COL22A1: variants seen among roughly 807,000 people sequenced by gnomAD.
The protein encoded by COL22A1 is collagen alpha-1(XXII) chain.
A neutral mutation model predicts 248.9 loss-of-function variants in COL22A1; 221 were observed. That is an observed-to-expected ratio of 0.89 (90% confidence interval 0.80 to 0.99). The LOEUF (loss-of-function observed/expected upper bound fraction) is 0.99, where lower values mean the gene tolerates loss of function less well. COL22A1 is among the 50% of genes least tolerant of loss of function. COL22A1 has a pLI of 0.00. For missense variants in COL22A1, 2,240 were observed against 2,179.0 expected (o/e 1.03, Z -0.56); for synonymous variants, 891 against 793.4 (o/e 1.12, Z -2.07).
Position 138,751,473 on chromosome 8 carries a change from A to G in COL22A1, c.2070T>C (p.Gly690=). 3.1e-6 allele frequency: 5 copies of G among 1,612,776 alleles called. No individual in the cohort carries two copies. Among genetic ancestry groups the G allele is most frequent in the Non-Finnish European group, 4.2e-6 (5 of 1,179,292 alleles). ...GTTTACTTACTCGGAGACCTTGCAAACCAGGAGGTCCATCCCTGCCTTCTG... is the reference window on the plus strand; with the variant it reads ...GTTTACTTACTCGGAGACCTTGCAAGCCAGGAGGTCCATCCCTGCCTTCTG... The part of the protein sequence containing the change: ...IGPEGRDGPP[G]LQGLRGKKGD... The change falls in exon 22 of 65, where the codon GGT becomes GGC. Residue 690 remains glycine (G), a synonymous_variant. Coordinates refer to ENST00000303045, the MANE Select transcript of COL22A1 (RefSeq NM_152888.3).
At chr8:138,864,407 G>A (rs1235896376) in intron 3 of COL22A1, among the ~76,000 whole-genome samples, 1 of 151,752 alleles carries the variant, frequency 6.6e-6, no homozygotes, top group Non-Finnish European at 1.5e-5. Context: ...GTTACGAAGA[G>A]AAGGAGGCCA....
chr8:138,721,122 G>A (rs1829838353), intron 26 of COL22A1, among the ~76,000 whole-genome samples: 1 of 152,172 alleles, frequency 6.6e-6, no homozygotes, highest in South Asian at 2.1e-4. Flanking sequence ...ATGATCCTTT[G>A]TCTCAAAAGA....
chr8:138,897,110 A>G (rs1825475771), intron 1 of COL22A1, among the ~76,000 whole-genome samples: 1 of 152,190 alleles, frequency 6.6e-6, no homozygotes, highest in South Asian at 2.1e-4. Context: ...GAAATGGAAG[A>G]CTCATGAGGC....
intron 5 of COL22A1, among the ~76,000 whole-genome samples, chr8:138,829,287 A>G (rs893679096): frequency 6.6e-6 from 1 of 152,120 alleles, no homozygotes; most frequent in Non-Finnish European, 1.5e-5. Context: ...CTGCCCATGC[A>G]GGAGGAAGAT....
intron 1 of COL22A1, among the ~76,000 whole-genome samples, chr8:138,911,959 C>T (rs569926105): frequency 6.6e-5 from 10 of 152,246 alleles, no homozygotes; most frequent in South Asian, 2.1e-4. Context: ...CCCACAGTTG[C>T]GCAGTGCCTC....
At chr8:138,622,093 A>G (rs1250137237) in intron 52 of COL22A1, among the ~76,000 whole-genome samples, 1 of 152,214 alleles carries the variant, frequency 6.6e-6, no homozygotes, top group Non-Finnish European at 1.5e-5. Context: ...AACAAATTAA[A>G]TGGAACATAA....
At chr8:138,778,252 A>G (rs769782608) in intron 15 of COL22A1, 101 bp downstream of exon 15, 1 of 1,289,956 alleles carries the variant, frequency 7.8e-7, no homozygotes, top group South Asian at 1.2e-5. Context: ...AAGGCAAAAC[A>G]GCATTACTGT....
rs1465266573 is a variant in COL22A1, at chr8:138,737,518, A to G, written c.2139+6T>C. 6.3e-7 allele frequency: 1 copy of G among 1,596,392 alleles called. No homozygotes were observed. On this transcript the variant is annotated splice_donor_region_variant and intron_variant, in intron 23 of 64. Coordinates refer to ENST00000303045, the MANE Select transcript of COL22A1 (RefSeq NM_152888.3). ...TGCTATGGAAGAGAATGTAAAAGGT[A>G]GTTACCTGCAGCCCCAGCAATCCAG...
intron 6 of COL22A1, among the ~76,000 whole-genome samples, chr8:138,823,557 C>G (rs1014774377): frequency 6.6e-6 from 1 of 152,142 alleles, no homozygotes; most frequent in African/African-American, 2.4e-5. Flanking sequence ...AGGTGCGCAC[C>G]ACCATGCCCA....
At chr8:138,743,111 ATGG>A (rs1449122930) in intron 22 of COL22A1, among the ~76,000 whole-genome samples, 1 of 103,738 alleles carries the variant, frequency 9.6e-6, no homozygotes. Context: ...GATGAGGGTG[ATGG>A]TGGTAGTGAT....
intron 52 of COL22A1, 67 bp from the exon 53 acceptor site, chr8:138,619,575 CTG>C (rs1819599052): frequency 7.5e-6 from 11 of 1,463,274 alleles, no homozygotes; most frequent in Non-Finnish European, 1.1e-5. Context: ...TCCTGGCTCT[CTG>C]TGTTTCCTAC....
intron 5 of COL22A1, among the ~76,000 whole-genome samples, chr8:138,830,843 G>C (rs147713193): frequency 2.8e-4 from 43 of 152,292 alleles, no homozygotes; most frequent in Middle Eastern, 6.8e-3. Context: ...AGGCAAAGAA[G>C]TGAGGGGGAG....
chr8:138,660,947 AACAC>A (rs146593168), intron 43 of COL22A1, among the ~76,000 whole-genome samples: 8 of 133,478 alleles, frequency 6.0e-5, no homozygotes, highest in Non-Finnish European at 7.9e-5. Context: ...CACACACATA[AACAC>A]ACAGACACAC....
chr8:138,670,105 T>G (rs972833846), intron 41 of COL22A1, among the ~76,000 whole-genome samples: 22 of 152,168 alleles, frequency 1.4e-4, no homozygotes, highest in African/African-American at 5.3e-4. Flanking sequence ...CGGGCTGGTC[T>G]TGAACCCCTG....
At chr8:138,843,827 T>C (rs1289586158) in intron 4 of COL22A1, among the ~76,000 whole-genome samples, 1 of 152,244 alleles carries the variant, frequency 6.6e-6, no homozygotes, top group Admixed American at 6.5e-5. Context: ...TCATTCATTC[T>C]CATGCATTAT....
Position 138,774,683 on chromosome 8 carries a change from T to C in COL22A1, c.1803+1283A>G, listed in dbSNP as rs555299850. ...ATCCACCTGCCTCGGCCTCCCAAAG[T>C]GCTGGGATTACAGGCGTGAGCCACT... On this transcript the variant is annotated intron_variant, in intron 16 of 64. Coordinates refer to ENST00000303045, the MANE Select transcript of COL22A1 (RefSeq NM_152888.3). 4.6e-5 allele frequency among the ~76,000 whole-genome samples: 7 copies of C among 152,300 alleles called. No individual in the cohort carries two copies. The East Asian group carries it at 1.4e-3, about 29-fold the overall frequency.
At chr8:138,599,061 C>T (rs1425615921) in intron 60 of COL22A1, among the ~76,000 whole-genome samples, 163 bp from the exon 61 acceptor site, 1 of 152,214 alleles carries the variant, frequency 6.6e-6, no homozygotes, top group Non-Finnish European at 1.5e-5. Flanking sequence ...CCCCAGAATC[C>T]ATCACATGCA....
At chr8:138,793,171 C>T (rs976318797) in intron 12 of COL22A1, among the ~76,000 whole-genome samples, 1 of 152,206 alleles carries the variant, frequency 6.6e-6, no homozygotes, top group African/African-American at 2.4e-5. Context: ...ACCCAATACC[C>T]TCAAACTCAA....
intron 51 of COL22A1, among the ~76,000 whole-genome samples, chr8:138,625,737 A>T (rs1820183817): frequency 6.6e-6 from 1 of 152,218 alleles, no homozygotes; most frequent in African/African-American, 2.4e-5. Context: ...AGAAATGATA[A>T]TATGCATTAT....
Sources: gnomAD v4.1 joint callset for allele counts (sites outside exome capture counted in the v4.1 genomes callset) on GRCh38, gnomAD v4.1.1 for gene constraint, MANE v1.5 for transcripts, NCBI Gene and HGNC (gene_info 2026-07-23, HGNC 2026-07-21) for gene names.